The following GCKR variants were observed in gnomAD, a reference collection of about 807,000 sequenced individuals.
GCKR encodes glucokinase regulatory protein.
A neutral mutation model predicts 82.9 loss-of-function variants in GCKR; 73 were observed. The ratio of observed to expected loss-of-function variants is 0.88; its 90% CI spans 0.73 to 1.07. The LOEUF is 1.07. GCKR is among the 50% of genes least tolerant of loss of function. GCKR has a pLI of 0.00. For missense variants in GCKR, 784 were observed against 782.1 expected, an observed-to-expected ratio of 1.00 and a Z score of -0.03; for synonymous variants, 294 against 291.8, an observed-to-expected ratio of 1.01 and a Z score of -0.08.
rs1670175378 is a variant in GCKR at position 27,522,497 on chromosome 2, G to T, written c.1610G>T (p.Ser537Ile). ...CAGTCCAAGGCTCGATGCATCGAGA[G>T]CCTCCTCCGAGCGATCCACTTTCCC... ...SGQSKARCIESLLRAIHFPQP... is the reference protein window; with the variant it reads ...SGQSKARCIEILLRAIHFPQP... The change falls in exon 18 of 19, where the codon AGC becomes ATC. Residue 537 changes from serine (S) to isoleucine (I), a missense_variant. By Grantham distance (142) the Ser-to-Ile change is moderately radical. Coordinates refer to ENST00000264717, the MANE Select transcript of GCKR (RefSeq NM_001486.4). The T allele has an allele frequency of 6.2e-7, 1 of 1,612,912 alleles. No homozygotes were observed.
At position 27,510,755 on chromosome 2, in the gene GCKR, C is replaced by CT. The variant is rs201582352; in HGVS notation, c.1422+2513dup. On this transcript the variant is annotated intron_variant, in intron 16 of 18. Coordinates refer to ENST00000264717, the MANE Select transcript of GCKR (RefSeq NM_001486.4). ...AAAAATATATATTGGCCATTTGATA[C>CT]TTTTTTTTTGTCTTTCATGTACTGC... Among the ~76,000 whole-genome samples, 1,099 of 151,044 alleles carry CT rather than the reference C, an allele frequency of 7.3e-3. 10 individuals are homozygous for CT. Among genetic ancestry groups the CT allele is most frequent in the African/African-American group, 0.025 (1,036 of 41,208 alleles).
chr2:27,517,093 A>G (rs1670029082), intron 16 of GCKR, among the ~76,000 whole-genome samples: 1 of 149,944 alleles, frequency 6.7e-6, no homozygotes, highest in Non-Finnish European at 1.5e-5. Flanking sequence ...GCTCACTGCA[A>G]CCTCTGCCTC....
At chr2:27,511,244 T>C (rs965332776) in intron 16 of GCKR, among the ~76,000 whole-genome samples, 10 of 150,636 alleles carry the variant, frequency 6.6e-5, no homozygotes, top group African/African-American at 2.4e-4. Context: ...GCCGGGCTGG[T>C]CTCGAACTTC....
chr2:27,515,230 G>T (rs372735122), intron 16 of GCKR, among the ~76,000 whole-genome samples: 2 of 138,594 alleles, frequency 1.4e-5, no homozygotes, highest in African/African-American at 2.7e-5. Context: ...TGCCCATGTC[G>T]GCCTCCCAAA....
chr2:27,508,882 T>G (rs1669813499), intron 16 of GCKR, among the ~76,000 whole-genome samples: 1 of 152,064 alleles, frequency 6.6e-6, no homozygotes, highest in Non-Finnish European at 1.5e-5. Flanking sequence ...CTTTTTTTTT[T>G]TTGCAAGTTT....
rs1437896772 is a variant in GCKR at position 27,521,590 on chromosome 2, C to T, written c.1573-870C>T. Among the ~76,000 whole-genome samples, 3 of 151,814 alleles carry T rather than the reference C, an allele frequency of 2.0e-5. No homozygotes were observed. In the East Asian group the frequency reaches 5.8e-4, roughly 30 times the overall value. Reference sequence around the variant, plus strand: ...ACTCCTGACCTTGTGATCCACCTGCCTCAGCCTCTCAAAGTGCTGGGATTA... The same window carrying T: ...ACTCCTGACCTTGTGATCCACCTGCTTCAGCCTCTCAAAGTGCTGGGATTA... On this transcript the variant is annotated intron_variant, in intron 17 of 18. Coordinates refer to ENST00000264717, the MANE Select transcript of GCKR (RefSeq NM_001486.4).
chr2:27,514,133 G>C (rs576493499), intron 16 of GCKR, among the ~76,000 whole-genome samples: 1 of 151,682 alleles, frequency 6.6e-6, no homozygotes, highest in Non-Finnish European at 1.5e-5. Context: ...GTGTGTCTTT[G>C]CCTCTAAGCC....
intron 16 of GCKR, 42 bp downstream of exon 16, chr2:27,508,293 G>A (rs879834392): frequency 2.5e-6 from 3 of 1,220,892 alleles, no homozygotes; most frequent in Non-Finnish European, 3.7e-6. Context: ...AAGGGGCTCA[G>A]AGGGTGAGGG....
At chr2:27,517,895 A>G (rs906888585) in intron 16 of GCKR, among the ~76,000 whole-genome samples, 12 of 152,150 alleles carry the variant, frequency 7.9e-5, no homozygotes, top group African/African-American at 2.9e-4. Context: ...GAAGACCGGG[A>G]TTTAGGTCCT....
chr2:27,513,141 T>C (rs1669929411), intron 16 of GCKR, among the ~76,000 whole-genome samples: 2 of 152,194 alleles, frequency 1.3e-5, no homozygotes, highest in South Asian at 4.1e-4. Context: ...TGATGATTCT[T>C]GGTTGAATTA....
chr2:27,497,753 T>C (rs1558432656), intron 3 of GCKR, 123 bp downstream of exon 3: 13 of 706,262 alleles, frequency 1.8e-5, no homozygotes, highest in Non-Finnish European at 2.6e-6. Context: ...ATCCTCCCTT[T>C]TGGATCCTTA....
chr2:27,498,665 T>A (rs1288507297), intron 4 of GCKR, 59 bp from the exon 5 acceptor site: 2 of 1,062,238 alleles, frequency 1.9e-6, no homozygotes, highest in African/African-American at 3.1e-5. Context: ...GAGTTGAAAA[T>A]CCAAGATAAT....
Position 27,523,194 on chromosome 2 carries a change from C to T in GCKR, c.1708-75C>T, listed in dbSNP as rs969268185. 2.9e-5 allele frequency: 39 copies of T among 1,331,634 alleles called. 1 individual carries two copies. In the East Asian group the frequency reaches 4.7e-4, roughly 16 times the overall value. The allele number at this position is 1,331,634 out of a possible 1,614,324, so 82.5% of individuals were successfully genotyped here. The stretch of plus-strand genomic sequence containing the variant: ...GATTACAGGCGTGAGCCACTGCGCC[C>T]GACCTTCCTCCGGGGTTCTTTCTCT... On this transcript the variant is annotated intron_variant, in intron 18 of 18. Transcript: ENST00000264717.
At chr2:27,513,538 AAAAG>A (rs960800634) in intron 16 of GCKR, among the ~76,000 whole-genome samples, 4 of 151,610 alleles carry the variant, frequency 2.6e-5, no homozygotes, top group African/African-American at 7.3e-5. Context: ...AAAAAAAAAA[AAAAG>A]AAAGAAAGAA....
In GCKR at chr2:27,507,182, T is replaced by G. The variant is rs112466434; in HGVS notation, c.1067-53T>G. ...TTTTCTCCCCCTGAAGCCTAGAACCTTCCTTTCCTATATAGCCAATCACTC... is the reference window on the plus strand; with the variant it reads ...TTTTCTCCCCCTGAAGCCTAGAACCGTCCTTTCCTATATAGCCAATCACTC... On this transcript the variant is annotated intron_variant, in intron 12 of 18. Coordinates refer to ENST00000264717, the MANE Select transcript of GCKR (RefSeq NM_001486.4). 309 of 1,260,118 alleles carry G rather than the reference T, an allele frequency of 2.5e-4. 1 individual carries two copies. In the African/African-American group the frequency reaches 3.9e-3, roughly 16 times the overall value. 78.1% of individuals were successfully genotyped at this position (1,260,118 alleles called of 1,614,324 possible). A position where few individuals can be genotyped will look rare whatever the true frequency, so the allele number is the denominator to read the frequency against.
intron 9 of GCKR, 54 bp from the exon 10 acceptor site, chr2:27,505,664 T>C: frequency 1.1e-6 from 1 of 926,610 alleles, no homozygotes. Context: ...TAACAAGTGG[T>C]CTACGGGGTC....
At chr2:27,500,100 C>T (rs184312756) in intron 7 of GCKR, among the ~76,000 whole-genome samples, 2 of 146,230 alleles carry the variant, frequency 1.4e-5, no homozygotes, top group East Asian at 2.1e-4. Flanking sequence ...TTTTGGTTGT[C>T]GTTGTTGTTT....
At chr2:27,517,027 T>C (rs1159164914) in intron 16 of GCKR, among the ~76,000 whole-genome samples, 1 of 151,630 alleles carries the variant, frequency 6.6e-6, no homozygotes, top group African/African-American at 2.4e-5. Context: ...TTTTTTTTTT[T>C]TTTTAATATG....
In GCKR at chr2:27,506,515, G is replaced by A. The variant is rs201208427; in HGVS notation, c.904G>A (p.Ala302Thr). The change falls in exon 11 of 19, where the codon GCT becomes ACT. Residue 302 changes from alanine (A) to threonine (T), a missense_variant. By Grantham distance (58) the Ala-to-Thr change is moderately conservative (BLOSUM62 0). Coordinates refer to ENST00000264717, the MANE Select transcript of GCKR (RefSeq NM_001486.4). Reference protein sequence around the residue: ...LLEILRTFERAHQVTYSQSPK... With the variant: ...LLEILRTFERTHQVTYSQSPK... Reference sequence around the variant, plus strand: ...GGAAATCTTGCGGACATTTGAGCGAGCTCATCAGGTGACCTACAGCCAAAG... The same window carrying A: ...GGAAATCTTGCGGACATTTGAGCGAACTCATCAGGTGACCTACAGCCAAAG... The A allele has an allele frequency of 4.2e-5, 67 of 1,614,022 alleles. No individual in the cohort carries two copies. In the Admixed American group the frequency reaches 5.5e-4, roughly 13 times the overall value.
Sources: gnomAD v4.1 joint callset for allele counts (sites outside exome capture counted in the v4.1 genomes callset) on GRCh38, gnomAD v4.1.1 for gene constraint, MANE v1.5 for transcripts, NCBI Gene and HGNC (gene_info 2026-07-23, HGNC 2026-07-21) for gene names.